Variants in TMTC1 observed in about 807,000 individuals in gnomAD.
TMTC1 encodes protein O-mannosyl-transferase TMTC1.
A neutral mutation model predicts 104.8 loss-of-function variants in TMTC1; 73 were observed. That is an observed-to-expected ratio of 0.70 (90% confidence interval 0.58 to 0.85). The LOEUF is 0.85. Among genes scored for constraint, TMTC1 ranks in the 40% least tolerant of loss-of-function variants. TMTC1 has a pLI of 0.00. For missense variants in TMTC1, 1,035 were observed against 1,096.1 expected (o/e 0.94, Z 0.79); for synonymous variants, 434 against 428.7 (o/e 1.01, Z -0.15).
chr12:29,739,256 T>C (rs1565805507), intron 5 of TMTC1, among the ~76,000 whole-genome samples: 1 of 152,062 alleles, frequency 6.6e-6, no homozygotes, highest in Non-Finnish European at 1.5e-5. Context: ...CCACTGCTCA[T>C]GCCCTGAGCT....
chr12:29,644,004 A>AT (rs1461828675), intron 5 of TMTC1, among the ~76,000 whole-genome samples: 1 of 111,864 alleles, frequency 8.9e-6, no homozygotes, highest in Non-Finnish European at 1.7e-5. Context: ...TTATATATAA[A>AT]TATAAATATA....
chr12:29,714,323 C>T (rs1356260853), intron 5 of TMTC1, among the ~76,000 whole-genome samples: 1 of 152,172 alleles, frequency 6.6e-6, no homozygotes, highest in Non-Finnish European at 1.5e-5. Context: ...AGCAGAAGTG[C>T]TTTATGCATA....
chr12:29,776,977 C>T (rs1943724438), intron 1 of TMTC1, among the ~76,000 whole-genome samples: 1 of 152,156 alleles, frequency 6.6e-6, no homozygotes, highest in African/African-American at 2.4e-5. Flanking sequence ...GACTAGGGAT[C>T]AGAGAGGTAG....
At chr12:29,533,918 T>C (rs550361240) in intron 11 of TMTC1, 2 of 152,092 alleles carry the variant, frequency 1.3e-5, no homozygotes, top group South Asian at 2.1e-4. Context: ...TTCAGCTGAG[T>C]GTAGGAAAGA....
intron 5 of TMTC1, among the ~76,000 whole-genome samples, chr12:29,699,926 G>A (rs982552168): frequency 6.6e-6 from 1 of 152,032 alleles, no homozygotes; most frequent in Non-Finnish European, 1.5e-5. Context: ...ACAGGCATAA[G>A]CCACCATGCC....
At chr12:29,744,827 C>T (rs1454641340) in intron 5 of TMTC1, among the ~76,000 whole-genome samples, 1 of 152,174 alleles carries the variant, frequency 6.6e-6, no homozygotes, top group Non-Finnish European at 1.5e-5. Flanking sequence ...ACATTAAAGG[C>T]ACAGTAATGA....
intron 1 of TMTC1, among the ~76,000 whole-genome samples, chr12:29,774,544 C>T (rs1427118241): frequency 2.0e-5 from 3 of 152,224 alleles, no homozygotes; most frequent in Admixed American, 6.5e-5. Context: ...TGGGTTTCCA[C>T]AGCCCAATGC....
chr12:29,698,241 T>C (rs987546789), intron 5 of TMTC1, among the ~76,000 whole-genome samples: 4 of 152,206 alleles, frequency 2.6e-5, no homozygotes, highest in African/African-American at 9.6e-5. Flanking sequence ...CGCCCATTTA[T>C]TCCCTTTAAA....
intron 5 of TMTC1, among the ~76,000 whole-genome samples, chr12:29,741,603 T>G (rs1329283995): frequency 6.6e-6 from 1 of 152,194 alleles, no homozygotes; most frequent in African/African-American, 2.4e-5. Flanking sequence ...CCCTGTGCTA[T>G]CTCTCATTTC....
At chr12:29,685,930 T>A (rs1323099670) in intron 5 of TMTC1, among the ~76,000 whole-genome samples, 10 of 129,202 alleles carry the variant, frequency 7.7e-5, no homozygotes, top group African/African-American at 1.7e-4. Context: ...GCAAGATTGT[T>A]AAAAAAAAAA....
intron 12 of TMTC1, among the ~76,000 whole-genome samples, 193 bp from the exon 13 acceptor site, chr12:29,518,800 C>T (rs1370431996): frequency 6.6e-6 from 1 of 152,178 alleles, no homozygotes. Context: ...TTTCACTGTT[C>T]ATTCATACTT....
chr12:29,774,082 C>T (rs1008256225), intron 1 of TMTC1, among the ~76,000 whole-genome samples: 1 of 152,148 alleles, frequency 6.6e-6, no homozygotes, highest in Non-Finnish European at 1.5e-5. Context: ...GCATTCCTAT[C>T]TCAATAAGCC....
intron 11 of TMTC1, among the ~76,000 whole-genome samples, chr12:29,529,292 GT>G (rs947153741): frequency 2.2e-4 from 34 of 152,102 alleles, no homozygotes; most frequent in African/African-American, 8.2e-4. Flanking sequence ...CTGTAACAAT[GT>G]GTACCTACTG....
chr12:29,516,343 C>G lies in TMTC1; in HGVS notation c.2307+6G>C. ...CCAAAGAACTCTAAACAATGTCCTTCTTTACCTTGTCGTGGTTCTCCTGCT... is the reference window on the plus strand; with the variant it reads ...CCAAAGAACTCTAAACAATGTCCTTGTTTACCTTGTCGTGGTTCTCCTGCT... On this transcript the variant is annotated splice_donor_region_variant and intron_variant, in intron 15 of 17. Coordinates refer to ENST00000539277, the MANE Select transcript of TMTC1 (RefSeq NM_001193451.2). 1 of 1,612,148 alleles carries G rather than the reference C, an allele frequency of 6.2e-7. No homozygotes were observed. Among genetic ancestry groups the G allele is most frequent in the Non-Finnish European group, 8.5e-7 (1 of 1,178,904 alleles).
At chr12:29,706,131 G>C (rs1010709061) in intron 5 of TMTC1, among the ~76,000 whole-genome samples, 1 of 152,090 alleles carries the variant, frequency 6.6e-6, no homozygotes, top group Non-Finnish European at 1.5e-5. Context: ...AGGGATGCAC[G>C]GAATTTTACC....
At position 29,516,553 on chromosome 12, in the gene TMTC1, A is replaced by G. The variant is rs369711491; in HGVS notation, c.2170-67T>C. ...ACCTTATCAAATAAAGCATCCCTGA[A>G]TAGAAGCATTCAGAACGCACTCCTG... On this transcript the variant is annotated intron_variant, in intron 14 of 17. Coordinates refer to ENST00000539277, the MANE Select transcript of TMTC1 (RefSeq NM_001193451.2). 31 of 1,519,646 alleles carry G rather than the reference A, an allele frequency of 2.0e-5. No individual in the cohort carries two copies. The East Asian group carries it at 2.5e-4, about 12-fold the overall frequency. 94.1% of individuals were successfully genotyped at this position (1,519,646 alleles called of 1,614,324 possible).
rs544302158 is a variant in TMTC1, at chr12:29,695,376, G to A, written c.938+56290C>T. 5.3e-5 allele frequency among the ~76,000 whole-genome samples: 8 copies of A among 152,004 alleles called. No individual in the cohort carries two copies. In the South Asian group the frequency reaches 1.2e-3, roughly 24 times the overall value. On this transcript the variant is annotated intron_variant, in intron 5 of 17. Coordinates refer to ENST00000539277, the MANE Select transcript of TMTC1 (RefSeq NM_001193451.2). ...GGCTGGAGTGTGGTGGTGCTATCTC[G>A]GCTCACTGCAACCTCCCACTCCCTG...
chr12:29,520,809 A>T (rs916274126), intron 11 of TMTC1, 89 bp from the exon 12 acceptor site: 7 of 1,044,730 alleles, frequency 6.7e-6, no homozygotes, highest in African/African-American at 1.6e-5. Flanking sequence ...AAGCAAAAAA[A>T]AAATAAATCT....
At chr12:29,662,784 C>T (rs935432051) in intron 5 of TMTC1, among the ~76,000 whole-genome samples, 2 of 151,978 alleles carry the variant, frequency 1.3e-5, no homozygotes, top group African/African-American at 4.8e-5. Context: ...CCTCTCTTTT[C>T]CTCTGCCTGG....
Sources: gnomAD v4.1 joint callset for allele counts (sites outside exome capture counted in the v4.1 genomes callset) on GRCh38, gnomAD v4.1.1 for gene constraint, MANE v1.5 for transcripts, NCBI Gene and HGNC (gene_info 2026-07-23, HGNC 2026-07-21) for gene names.